NAA16: variants seen among roughly 807,000 people sequenced by gnomAD.
NAA16 encodes NARG1-like protein.
Under a neutral mutation model 110.3 loss-of-function variants are expected in NAA16, and 97 were observed. The observed-to-expected ratio is 0.88, with a 90% CI of 0.75 to 1.04. The LOEUF is 1.04. Among genes scored for constraint, NAA16 ranks in the 50% least tolerant of loss-of-function variants. The probability of loss-of-function intolerance (pLI) is 0.00; values close to 1 mark genes in which losing one functional copy is unlikely to be tolerated. For synonymous variants in NAA16, 372 were observed against 330.6 expected (o/e 1.13, Z -1.36); for missense variants, 1,017 against 1,005.1 (o/e 1.01, Z -0.16).
At chr13:41,351,746 T>G (rs1343080272) in intron 9 of NAA16, among the ~76,000 whole-genome samples, 1 of 144,274 alleles carries the variant, frequency 6.9e-6, no homozygotes. Flanking sequence ...GTGGCTGAAC[T>G]TGGAAAATTT....
chr13:41,311,907 C>T (rs2041600847), intron 1 of NAA16, among the ~76,000 whole-genome samples: 2 of 152,260 alleles, frequency 1.3e-5, no homozygotes, highest in Admixed American at 6.5e-5. Context: ...CTCTCTGCCG[C>T]GCCGGGCTCG....
At chr13:41,331,429 A>G in intron 8 of NAA16, 60 bp downstream of exon 8, 6 of 1,234,114 alleles carry the variant, frequency 4.9e-6, no homozygotes, top group Non-Finnish European at 6.9e-6. Context: ...AATGTTATTT[A>G]TATTTTAGAA....
chr13:41,355,088 GTAAAAA>G (rs2139483906), intron 9 of NAA16, 50 bp from the exon 10 acceptor site: 1 of 1,102,978 alleles, frequency 9.1e-7, no homozygotes, highest in South Asian at 1.4e-5. Context: ...ACCATAATAG[GTAAAAA>G]TACCTTCAAG....
At chr13:41,373,914 A>G in intron 18 of NAA16, 134 bp downstream of exon 18, 25 of 1,363,656 alleles carry the variant, frequency 1.8e-5, no homozygotes, top group Non-Finnish European at 2.4e-5. Flanking sequence ...GACAAATTTA[A>G]GTTATGTTCA....
intron 10 of NAA16, among the ~76,000 whole-genome samples, chr13:41,355,669 C>G (rs1593502823): frequency 6.6e-6 from 1 of 152,106 alleles, no homozygotes; most frequent in Non-Finnish European, 1.5e-5. Flanking sequence ...ACCTCGTGAT[C>G]CACCCGCCTC....
Position 41,336,532 on chromosome 13 carries a change from G to A in NAA16, c.908-118G>A. On this transcript the variant is annotated intron_variant, in intron 8 of 19. Transcript: ENST00000379406. ...TTTACTTAAAACTATGACTTTTTGGGTTTATAAATTGGATAGGAGCATAAT... is the reference window on the plus strand; with the variant it reads ...TTTACTTAAAACTATGACTTTTTGGATTTATAAATTGGATAGGAGCATAAT... 5.1e-6 allele frequency: 3 copies of A among 587,746 alleles called. No individual in the cohort carries two copies. The South Asian group carries it at 7.3e-5, about 14-fold the overall frequency. 36.4% of individuals were successfully genotyped at this position (587,746 alleles called of 1,614,324 possible). A position where few individuals can be genotyped will look rare whatever the true frequency, so the allele number is the denominator to read the frequency against.
chr13:41,338,523 T>A (rs2042444115), intron 9 of NAA16, among the ~76,000 whole-genome samples: 1 of 152,178 alleles, frequency 6.6e-6, no homozygotes, highest in African/African-American at 2.4e-5. Context: ...TGCTATATTA[T>A]TAGAAATGCC....
At chr13:41,361,159 G>A (rs1047500134) in intron 12 of NAA16, among the ~76,000 whole-genome samples, 5 of 152,046 alleles carry the variant, frequency 3.3e-5, no homozygotes, top group African/African-American at 7.2e-5. Context: ...CTTAAAATTC[G>A]TTAATTTATG....
At chr13:41,323,748 G>A (rs1045895345) in intron 5 of NAA16, among the ~76,000 whole-genome samples, 5 of 151,626 alleles carry the variant, frequency 3.3e-5, no homozygotes, top group Non-Finnish European at 7.4e-5. Context: ...TCTTCCTAAA[G>A]TGCTGGGATT....
In NAA16 at chr13:41,320,688, T is replaced by TG; in HGVS notation, c.267dup (p.Gln90AlafsTer4). ...ATAGGTTGGCATGTATATGGACTCT[T>TG]GCAGCGTTCTGATAAAAAATATGAT... is the stretch of plus-strand genomic sequence containing the variant. On this transcript the variant is annotated frameshift_variant, in exon 4 of 20. Coordinates refer to ENST00000379406, the MANE Select transcript of NAA16 (RefSeq NM_024561.5). LOFTEE classifies it high-confidence loss of function. The TG allele has an allele frequency of 6.2e-7, 1 of 1,611,410 alleles. No homozygotes were observed.
intron 9 of NAA16, among the ~76,000 whole-genome samples, chr13:41,342,476 C>T (rs888195475): frequency 1.3e-5 from 2 of 152,158 alleles, no homozygotes; most frequent in East Asian, 1.9e-4. Context: ...CTTACTGGCT[C>T]TATAAAATAG....
chr13:41,340,472 A>G (rs2042506595), intron 9 of NAA16, among the ~76,000 whole-genome samples: 3 of 151,972 alleles, frequency 2.0e-5, no homozygotes, highest in African/African-American at 4.8e-5. Flanking sequence ...ATTTAGTGCT[A>G]TAAATTTCCC....
Position 41,374,754 on chromosome 13 carries a change from TG to T in NAA16, c.2313del (p.Met771IlefsTer15), listed in dbSNP as rs2043395246. 2 of 1,609,300 alleles carry T rather than the reference TG, an allele frequency of 1.2e-6. No individual in the cohort carries two copies. Among genetic ancestry groups the T allele is most frequent in the African/African-American group, 2.7e-5 (2 of 74,734 alleles). On this transcript the variant is annotated frameshift_variant, in exon 19 of 20. Transcript: ENST00000379406. LOFTEE classifies it high-confidence loss of function. ...CTTGGTATTTCAGGTGCTAAAATGA[TG>T]TATTTTCTGGACAAGTCAAGGCAGG... ...LQHLLSGAKMMYFLDKSRQEK... is the reference protein window; with the variant it reads ...LQHLLSGAKMXYFLDKSRQEK...
intron 9 of NAA16, among the ~76,000 whole-genome samples, chr13:41,341,252 C>T (rs1341682304): frequency 6.6e-6 from 1 of 152,020 alleles, no homozygotes; most frequent in Non-Finnish European, 1.5e-5. Flanking sequence ...ATCTTTCATG[C>T]TTTACTGAAA....
chr13:41,338,200 C>A (rs1023502497), intron 9 of NAA16, among the ~76,000 whole-genome samples: 1 of 152,098 alleles, frequency 6.6e-6, no homozygotes, highest in African/African-American at 2.4e-5. Context: ...AAAAAGAAAT[C>A]TTATGTATGT....
chr13:41,354,054 A>G (rs75891407), intron 9 of NAA16, among the ~76,000 whole-genome samples: 1 of 152,054 alleles, frequency 6.6e-6, no homozygotes, highest in Admixed American at 6.5e-5. Context: ...GTATGTGTAA[A>G]TTTTTTTCAC....
intron 9 of NAA16, among the ~76,000 whole-genome samples, chr13:41,343,026 A>G (rs2042593474): frequency 6.6e-6 from 1 of 152,220 alleles, no homozygotes; most frequent in South Asian, 2.1e-4. Flanking sequence ...AAAAAATGGG[A>G]GGGAAGCCCA....
rs377761581 is a variant in NAA16 at position 41,348,259 on chromosome 13, G to A, written c.1015-6885G>A. Among the ~76,000 whole-genome samples the A allele has an allele frequency of 2.0e-5, 3 of 151,888 alleles. No homozygotes were observed. The East Asian group carries it at 5.8e-4, about 29-fold the overall frequency. On this transcript the variant is annotated intron_variant, in intron 9 of 19. Transcript: ENST00000379406. ...CTCGGCTCACTGCAACCTCCACCTC[G>A]CGGGTTCAAGCTATTCTCCTGCCTC...
chr13:41,323,875 C>CAAGAG (rs1281725027), intron 5 of NAA16, among the ~76,000 whole-genome samples: 6 of 152,166 alleles, frequency 3.9e-5, no homozygotes, highest in Non-Finnish European at 7.4e-5. Flanking sequence ...AGAGTTAATC[C>CAAGAG]ACCAACCTTG....
Sources: allele counts gnomAD v4.1 joint callset (sites outside exome capture counted in the v4.1 genomes callset), GRCh38; gene constraint gnomAD v4.1.1; transcripts MANE v1.5; gene names NCBI Gene and HGNC (gene_info 2026-07-23, HGNC 2026-07-21).